Variants in PCDH11Y observed in about 807,000 individuals in gnomAD.
PCDH11Y encodes the protein protocadherin-11 Y-linked.
For synonymous variants in PCDH11Y, 9 were observed against 83.6 expected, an observed-to-expected ratio of 0.11 and a Z score of 4.87; for missense variants, 12 against 224.8, an observed-to-expected ratio of 0.05 and a Z score of 6.05.
chrY:5,192,308 C>T (rs2052913304), intron 2 of PCDH11Y, among the ~76,000 whole-genome samples: 1 of 31,471 alleles, frequency 3.2e-5, no homozygotes, highest in Non-Finnish European at 7.7e-5. Context: ...TCCAACTGAG[C>T]GTTCAACCTT....
chrY:5,533,327 A>G, intron 3 of PCDH11Y, among the ~76,000 whole-genome samples: 1 of 33,409 alleles, frequency 3.0e-5, no homozygotes, highest in Non-Finnish European at 7.4e-5. Flanking sequence ...AAGTTTTACC[A>G]TGGAGTTTAT....
chrY:5,257,353 C>T, intron 2 of PCDH11Y, among the ~76,000 whole-genome samples: 1 of 33,250 alleles, frequency 3.0e-5, no homozygotes, highest in African/African-American at 1.2e-4. Context: ...AATTGATTTG[C>T]ATATGTTGAA....
At chrY:5,012,465 A>ACT (rs2052551734) in intron 1 of PCDH11Y, among the ~76,000 whole-genome samples, 1 of 29,640 alleles carries the variant, frequency 3.4e-5, no homozygotes, top group Non-Finnish European at 8.0e-5. Context: ...GAACTCACTC[A>ACT]CTATCACAAG....
chrY:5,529,363 G>T, intron 3 of PCDH11Y, among the ~76,000 whole-genome samples: 2 of 32,177 alleles, frequency 6.2e-5, no homozygotes, highest in Admixed American at 2.9e-4. Flanking sequence ...AAGTGGGAAT[G>T]GTTAATGAGT....
chrY:5,592,001 G>A, intron 4 of PCDH11Y, among the ~76,000 whole-genome samples: 1 of 33,105 alleles, frequency 3.0e-5, no homozygotes, highest in Admixed American at 2.8e-4. Flanking sequence ...TGAGAATAAT[G>A]TACATTCTGT....
At chrY:5,457,456 A>G (rs2053299360) in intron 2 of PCDH11Y, among the ~76,000 whole-genome samples, 1 of 33,607 alleles carries the variant, frequency 3.0e-5, no homozygotes, top group African/African-American at 1.2e-4. Flanking sequence ...AAATCAACCA[A>G]AAGCACTTAG....
At chrY:5,364,547 C>T (rs1602912194) in intron 2 of PCDH11Y, among the ~76,000 whole-genome samples, 105 of 26,054 alleles carry the variant, frequency 4.0e-3, no homozygotes, top group African/African-American at 0.013. Flanking sequence ...CTGTCCATGC[C>T]CTTCTATCCT....
chrY:5,643,694 ATGGGTATCTAC>A (rs2053524657), intron 4 of PCDH11Y, among the ~76,000 whole-genome samples: 1 of 23,674 alleles, frequency 4.2e-5, no homozygotes, highest in Non-Finnish European at 9.7e-5. Flanking sequence ...ATCTTCCAAT[ATGGGTATCTAC>A]TGCCCATATT....
At chrY:5,349,503 C>T in intron 2 of PCDH11Y, among the ~76,000 whole-genome samples, 2 of 33,035 alleles carry the variant, frequency 6.1e-5, no homozygotes, top group African/African-American at 1.2e-4. Flanking sequence ...ATGTCTGTCT[C>T]GCTCATCACT....
intron 1 of PCDH11Y, among the ~76,000 whole-genome samples, chrY:5,023,607 T>G: frequency 2.9e-5 from 1 of 33,941 alleles, no homozygotes; most frequent in African/African-American, 1.1e-4. Flanking sequence ...GCAATCTGTG[T>G]TCCCCCTCAG....
intron 3 of PCDH11Y, among the ~76,000 whole-genome samples, chrY:5,526,800 A>G: frequency 1.5e-4 from 5 of 33,135 alleles, no homozygotes; most frequent in Admixed American, 1.1e-3. Flanking sequence ...CTTTATTTCC[A>G]TAAGGGATTG....
chrY:5,713,858 A>T (rs2124713274), intron 4 of PCDH11Y, among the ~76,000 whole-genome samples: 1 of 31,516 alleles, frequency 3.2e-5, no homozygotes, highest in South Asian at 7.1e-4. Context: ...ATTAATGAAA[A>T]ACCAAAATAA....
intron 2 of PCDH11Y, among the ~76,000 whole-genome samples, chrY:5,110,634 A>G (rs2052801892): frequency 3.2e-5 from 1 of 31,655 alleles, no homozygotes; most frequent in Non-Finnish European, 7.7e-5. Flanking sequence ...ATTTACAGAA[A>G]TCTATAAAAT....
chrY:5,579,504 C>A, intron 3 of PCDH11Y, among the ~76,000 whole-genome samples: 1 of 32,231 alleles, frequency 3.1e-5, no homozygotes, highest in Non-Finnish European at 7.7e-5. Context: ...AATTTATTAA[C>A]AAATAAATTT....
At chrY:5,555,337 G>A in intron 3 of PCDH11Y, among the ~76,000 whole-genome samples, 1 of 32,133 alleles carries the variant, frequency 3.1e-5, no homozygotes, top group Non-Finnish European at 7.6e-5. Flanking sequence ...AGGGACTTGC[G>A]TTTTCATGGA....
intron 2 of PCDH11Y, among the ~76,000 whole-genome samples, chrY:5,342,003 T>C: frequency 3.1e-5 from 1 of 32,265 alleles, no homozygotes; most frequent in Non-Finnish European, 7.5e-5. Flanking sequence ...ATACTCTCTT[T>C]ATTCTCTTGA....
intron 2 of PCDH11Y, among the ~76,000 whole-genome samples, chrY:5,388,598 T>C (rs2053218627): frequency 3.1e-5 from 1 of 32,761 alleles, no homozygotes; most frequent in Non-Finnish European, 7.5e-5. Flanking sequence ...TTGGTATATT[T>C]CTGTAGGAGT....
chrY:5,046,078 T>C, intron 3 of PCDH11Y, among the ~76,000 whole-genome samples: 1 of 33,715 alleles, frequency 3.0e-5, no homozygotes, highest in East Asian at 7.9e-4. Context: ...TAGCTCAGAG[T>C]AATTTGATCG....
intron 2 of PCDH11Y, among the ~76,000 whole-genome samples, chrY:5,406,982 A>C: frequency 3.0e-5 from 1 of 33,323 alleles, no homozygotes. Context: ...CCTCCCTGCC[A>C]GCACATACAC....
Sources: gnomAD v4.1 joint callset for allele counts (sites outside exome capture counted in the v4.1 genomes callset) on GRCh38, gnomAD v4.1.1 for gene constraint, MANE v1.5 for transcripts, NCBI Gene and HGNC (gene_info 2026-07-23, HGNC 2026-07-21) for gene names.